Variants in WDR7 observed in about 807,000 individuals in gnomAD.
WDR7 encodes WD repeat domain 7.
A neutral mutation model predicts 169.4 loss-of-function variants in WDR7; 46 were observed. The ratio of observed to expected loss-of-function variants is 0.27; its 90% CI spans 0.21 to 0.35. The LOEUF is 0.35. WDR7 is among the 10% of genes least tolerant of loss of function. The pLI is 1.00. For missense variants in WDR7, 1,534 were observed against 1,859.3 expected, an observed-to-expected ratio of 0.83 and a Z score of 3.22; for synonymous variants, 612 against 666.8, an observed-to-expected ratio of 0.92 and a Z score of 1.27.
intron 12 of WDR7, among the ~76,000 whole-genome samples, chr18:56,706,595 C>G (rs565320627): frequency 6.6e-6 from 1 of 152,252 alleles, no homozygotes; most frequent in African/African-American, 2.4e-5. Flanking sequence ...TTTCAGTTAT[C>G]TACATTGTCA....
At chr18:56,963,760 C>T (rs1326676604) in intron 26 of WDR7, among the ~76,000 whole-genome samples, 1 of 152,020 alleles carries the variant, frequency 6.6e-6, no homozygotes, top group Non-Finnish European at 1.5e-5. Context: ...AATGAAAACA[C>T]TCTGAATACT....
chr18:56,669,932 G>A (rs1400849842), intron 1 of WDR7, among the ~76,000 whole-genome samples: 1 of 152,124 alleles, frequency 6.6e-6, no homozygotes, highest in African/African-American at 2.4e-5. Context: ...GTTGAATGCT[G>A]ATGGCTGAAA....
Position 56,880,101 on chromosome 18 carries a change from C to T in WDR7, c.3462C>T (p.Ser1154=). The T allele has an allele frequency of 6.2e-7, 1 of 1,614,056 alleles. No homozygotes were observed. The highest frequency in any genetic ancestry group is 8.5e-7 in the Non-Finnish European group (1 of 1,179,976). The stretch of plus-strand genomic sequence containing the variant: ...TATTGACCAGACCTCGAAGCTCTAG[C>T]CAAATTCCTGAGGGATTCGGGTTGA... ...PKLLTRPRSS[S]QIPEGFGLTS... Residue 1154 remains serine (S), a synonymous_variant, in exon 21 of 28, where the codon AGC becomes AGT. Coordinates refer to ENST00000254442, the MANE Select transcript of WDR7 (RefSeq NM_015285.3).
intron 14 of WDR7, among the ~76,000 whole-genome samples, chr18:56,732,905 AC>A (rs1297703684): frequency 6.6e-6 from 1 of 152,166 alleles, no homozygotes; most frequent in African/African-American, 2.4e-5. Context: ...ATGTGGTGTA[AC>A]TCCCAGATAT....
chr18:56,652,828 C>T (rs2024684699), intron 1 of WDR7, among the ~76,000 whole-genome samples: 1 of 152,024 alleles, frequency 6.6e-6, no homozygotes, highest in Non-Finnish European at 1.5e-5. Context: ...TTTAAAAGAT[C>T]TCGGTGACTG....
chr18:57,014,813 T>C (rs530561854), intron 26 of WDR7, among the ~76,000 whole-genome samples: 1 of 151,828 alleles, frequency 6.6e-6, no homozygotes, highest in South Asian at 2.1e-4. Context: ...AGTTGAGAAA[T>C]AAAACCTGAA....
At chr18:56,657,692 G>T (rs991114272) in intron 1 of WDR7, among the ~76,000 whole-genome samples, 2 of 152,154 alleles carry the variant, frequency 1.3e-5, no homozygotes, top group Admixed American at 6.5e-5. Flanking sequence ...TGGTTCGTTT[G>T]TCTTTGTCTG....
At position 56,805,319 on chromosome 18, in the gene WDR7, A is replaced by G. The variant is rs186619982; in HGVS notation, c.3191-10712A>G. On this transcript the variant is annotated intron_variant, in intron 19 of 27. Transcript: ENST00000254442. ...ACATGATGTAACTATCCTGCATACA[A>G]CCAAAAAGCGCACTGATCACTTCCC... 5.4e-3 allele frequency among the ~76,000 whole-genome samples: 818 copies of G among 152,228 alleles called. 1 individual carries two copies. The highest frequency in any genetic ancestry group is 9.0e-3 in the Non-Finnish European group (611 of 68,014).
Position 57,028,350 on chromosome 18 carries a change from T to G in WDR7, c.*1143T>G, listed in dbSNP as rs931521591. On this transcript the variant is annotated 3_prime_UTR_variant, in exon 28 of 28. Transcript: ENST00000254442. ...GCAATGAGGGTGTTCATTATGCTTCTAAGTAAGCTTTAACTAGACCACTTT... is the reference window on the plus strand; with the variant it reads ...GCAATGAGGGTGTTCATTATGCTTCGAAGTAAGCTTTAACTAGACCACTTT... The G allele has an allele frequency of 2.0e-5, 3 of 152,252 alleles. No individual in the cohort carries two copies. Among genetic ancestry groups the G allele is most frequent in the Admixed American group, 6.5e-5 (1 of 15,284 alleles). 9.4% of individuals were successfully genotyped at this position (152,252 alleles called of 1,614,324 possible).
intron 22 of WDR7, among the ~76,000 whole-genome samples, chr18:56,925,746 G>A (rs780896604): frequency 7.2e-5 from 11 of 152,260 alleles, no homozygotes; most frequent in Non-Finnish European, 1.6e-4. Flanking sequence ...CATTGCCAGC[G>A]TAAAGTCCCA....
chr18:56,677,603 G>A (rs2025270768), intron 2 of WDR7, among the ~76,000 whole-genome samples: 1 of 152,066 alleles, frequency 6.6e-6, no homozygotes, highest in Non-Finnish European at 1.5e-5. Context: ...ACCCACCTCG[G>A]ACCTCCCAGA....
intron 25 of WDR7, among the ~76,000 whole-genome samples, chr18:56,948,941 T>A (rs964976104): frequency 9.2e-5 from 14 of 152,132 alleles, no homozygotes; most frequent in African/African-American, 2.9e-4. Flanking sequence ...CTCTATGGCA[T>A]CTCTTTCTCA....
At chr18:57,009,067 T>C (rs1032168675) in intron 26 of WDR7, among the ~76,000 whole-genome samples, 1 of 152,258 alleles carries the variant, frequency 6.6e-6, no homozygotes. Flanking sequence ...AATGTCAGTG[T>C]TATTTTGCCA....
At chr18:56,655,872 A>G (rs1163768072) in intron 1 of WDR7, among the ~76,000 whole-genome samples, 2 of 152,234 alleles carry the variant, frequency 1.3e-5, no homozygotes, top group African/African-American at 4.8e-5. Flanking sequence ...ATTCATCAAC[A>G]TTGTTGAATG....
At chr18:56,877,983 TCTA>T (rs1351026415) in intron 20 of WDR7, among the ~76,000 whole-genome samples, 1 of 152,200 alleles carries the variant, frequency 6.6e-6, no homozygotes, top group Admixed American at 6.5e-5. Context: ...TTATATATTT[TCTA>T]CTAATTCTGT....
At chr18:56,999,158 C>T (rs1019207680) in intron 26 of WDR7, among the ~76,000 whole-genome samples, 2 of 152,046 alleles carry the variant, frequency 1.3e-5, no homozygotes, top group African/African-American at 4.8e-5. Flanking sequence ...ACAGTATAAC[C>T]TTTTAGTTTG....
intron 20 of WDR7, among the ~76,000 whole-genome samples, chr18:56,832,670 A>G (rs1474003966): frequency 1.3e-5 from 2 of 152,212 alleles, no homozygotes; most frequent in Admixed American, 6.5e-5. Flanking sequence ...GCTGTTCTGC[A>G]GTCTCCACTG....
chr18:56,721,491 T>A (rs1328418727), intron 13 of WDR7: 1 of 152,208 alleles, frequency 6.6e-6, no homozygotes, highest in Non-Finnish European at 1.5e-5. Context: ...AATTATTCTT[T>A]CACATCTCTA....
At chr18:56,663,620 A>G (rs1213663082) in intron 1 of WDR7, among the ~76,000 whole-genome samples, 1 of 150,212 alleles carries the variant, frequency 6.7e-6, no homozygotes, top group Non-Finnish European at 1.5e-5. Flanking sequence ...CAGCATATAT[A>G]CACCACATAT....
Sources: gnomAD v4.1 joint callset for allele counts (sites outside exome capture counted in the v4.1 genomes callset) on GRCh38, gnomAD v4.1.1 for gene constraint, MANE v1.5 for transcripts, NCBI Gene and HGNC (gene_info 2026-07-23, HGNC 2026-07-21) for gene names.